Variants in TBCD observed in about 807,000 individuals in gnomAD.
The protein encoded by TBCD is tubulin-specific chaperone D.
A neutral mutation model predicts 169.3 loss-of-function variants in TBCD; 105 were observed. That is an observed-to-expected ratio of 0.62 (90% CI 0.53 to 0.73). TBCD has a LOEUF of 0.73. Ranked by LOEUF, TBCD falls within the 30% of genes least tolerant of loss-of-function variation. The probability of loss-of-function intolerance (pLI) is 0.00; values close to 1 mark genes in which losing one functional copy is unlikely to be tolerated. For missense variants in TBCD, 1,444 were observed against 1,600.1 expected (o/e 0.90, Z 1.66); for synonymous variants, 700 against 643.9 (o/e 1.09, Z -1.32).
rs183974317 is a variant in TBCD at position 82,874,551 on chromosome 17, A to G, written c.1475+4171A>G. 0.012 allele frequency among the ~76,000 whole-genome samples: 1,782 copies of G among 152,142 alleles called. 33 individuals are homozygous for G. Among genetic ancestry groups the G allele is most frequent in the African/African-American group, 0.04 (1,676 of 41,500 alleles). On this transcript the variant is annotated intron_variant, in intron 14 of 38. Transcript: ENST00000355528. This position sits in a 1 kb window ranked among gnomAD's most constrained non-coding sequence, Gnocchi z 5.0. ...TGCCCCTCGCCCCTTTACCTGTGCC[A>G]TCCCGGCCGCAGACCCAAGGGTGCC...
At chr17:82,839,543 C>G (rs1030644744) in intron 13 of TBCD, among the ~76,000 whole-genome samples, 1 of 152,020 alleles carries the variant, frequency 6.6e-6, no homozygotes, top group Non-Finnish European at 1.5e-5. Flanking sequence ...CTAAATTCAC[C>G]CTAATGTACA....
rs367830906 is a variant in TBCD at position 82,856,989 on chromosome 17, A to T, written c.1319-13235A>T. ...ACCCTCGGTGCGCATCCAGGGCGGG[A>T]TCGCTGGACCGCGTGCGGACCCTCG... is the stretch of plus-strand genomic sequence containing the variant. On this transcript the variant is annotated intron_variant, in intron 13 of 38. Transcript: ENST00000355528. Among the ~76,000 whole-genome samples, 32 of 151,616 alleles carry T rather than the reference A, an allele frequency of 2.1e-4. No homozygotes were observed. The East Asian group carries it at 5.8e-3, about 28-fold the overall frequency.
intron 13 of TBCD, among the ~76,000 whole-genome samples, chr17:82,818,063 G>C (rs1021534731): frequency 6.6e-6 from 1 of 152,218 alleles, no homozygotes; most frequent in Non-Finnish European, 1.5e-5. Context: ...TGTGTGCTCT[G>C]TCATGTCTTA....
At chr17:82,769,703 C>G (rs1250181950) in intron 5 of TBCD, among the ~76,000 whole-genome samples, 1 of 151,876 alleles carries the variant, frequency 6.6e-6, no homozygotes, top group Non-Finnish European at 1.5e-5. Context: ...ATGGTGAAAC[C>G]CTGTGTCTAC....
At chr17:82,760,944 A>G (rs1276383132) in intron 2 of TBCD, among the ~76,000 whole-genome samples, 1 of 149,134 alleles carries the variant, frequency 6.7e-6, no homozygotes, top group Non-Finnish European at 1.5e-5. Flanking sequence ...TGAAATGTTT[A>G]CTTCAATAGT....
intron 12 of TBCD, among the ~76,000 whole-genome samples, chr17:82,814,306 T>G (rs2051685997): frequency 6.6e-6 from 1 of 152,198 alleles, no homozygotes; most frequent in Admixed American, 6.5e-5. Context: ...TCTTATTTCT[T>G]TCTATGGGAG....
At chr17:82,836,687 CAAAA>C (rs559997152) in intron 13 of TBCD, among the ~76,000 whole-genome samples, 16 of 116,930 alleles carry the variant, frequency 1.4e-4, no homozygotes, top group African/African-American at 5.1e-4. Context: ...TACTTTTAGG[CAAAA>C]AAAAAAACAA....
At chr17:82,937,788 A>G (rs2062756236) in intron 35 of TBCD, 6 of 1,314,760 alleles carry the variant, frequency 4.6e-6, no homozygotes, top group South Asian at 3.1e-5. Flanking sequence ...GGGGGTCCTC[A>G]TGGCAGGGCG....
chr17:82,905,805 G>T, intron 19 of TBCD, 131 bp from the exon 20 acceptor site: 1 of 590,886 alleles, frequency 1.7e-6, no homozygotes, highest in Non-Finnish European at 3.0e-6. Flanking sequence ...GTGCGTGTGG[G>T]CTTCCCACAG....
At position 82,938,090 on chromosome 17, in the gene TBCD, A is replaced by G. The variant is rs2062786729; in HGVS notation, c.3323A>G (p.Gln1108Arg). 1.2e-6 allele frequency: 2 copies of G among 1,612,914 alleles called. No homozygotes were observed. Among genetic ancestry groups the G allele is most frequent in the East Asian group, 4.5e-5 (2 of 44,866 alleles). Reference sequence around the variant, plus strand: ...CAGTTCCCCGGCGACGTGAGGAGGCAGGCCCTCCTGCAGCTGTGTCTGCTC... The same window carrying G: ...CAGTTCCCCGGCGACGTGAGGAGGCGGGCCCTCCTGCAGCTGTGTCTGCTC... ...MVQFPGDVRR[Q>R]ALLQLCLLLC... is the part of the protein sequence containing the mutation. Residue 1108 changes from glutamine (Q) to arginine (R), a missense_variant, in exon 36 of 39, where the codon CAG (glutamine) becomes CGG (arginine). Transcript: ENST00000355528.
intron 38 of TBCD, chr17:82,941,965 G>GTCTC (rs149206840): frequency 0.01 from 2,390 of 230,600 alleles, 74 homozygotes; most frequent in African/African-American, 0.051. Context: ...TTGCTGTGCT[G>GTCTC]TCTCTCTAGT....
intron 19 of TBCD, among the ~76,000 whole-genome samples, chr17:82,904,367 C>CA (rs1427862382): frequency 2.6e-5 from 4 of 152,098 alleles, no homozygotes; most frequent in Non-Finnish European, 5.9e-5. Context: ...CCATCTGCCA[C>CA]ACGACGCTCC....
chr17:82,867,951 C>T lies in TBCD; in HGVS notation c.1319-2273C>T, dbSNP rs569677122. ...CACAGGTCCCCCAGGGGGAGGACTC[C>T]GGGAGGTGCTTTGCGGGAGGGAGTC... On this transcript the variant is annotated intron_variant, in intron 13 of 38. Transcript: ENST00000355528. Among the ~76,000 whole-genome samples, 32 of 152,148 alleles carry T rather than the reference C, an allele frequency of 2.1e-4. No homozygotes were observed. In the South Asian group the frequency reaches 2.7e-3, roughly 13 times the overall value.
At chr17:82,897,473 G>A (rs1809252) in intron 17 of TBCD, among the ~76,000 whole-genome samples, 76,516 of 149,128 alleles carry the variant, frequency 0.51, 20,734 homozygotes, top group East Asian at 0.74. Flanking sequence ...AGCCGAAATC[G>A]CGCCACTGCA....
chr17:82,768,658 A>G, intron 5 of TBCD, 92 bp downstream of exon 5: 2 of 1,406,940 alleles, frequency 1.4e-6, no homozygotes, highest in South Asian at 1.3e-5. Context: ...TAAGCTTCTG[A>G]TATGTATTCA....
Position 82,831,871 on chromosome 17 carries a change from T to G in TBCD, c.1318+16937T>G. On this transcript the variant is annotated intron_variant, in intron 13 of 38. Transcript: ENST00000355528. This position sits in a 1 kb window ranked among gnomAD's most constrained non-coding sequence, Gnocchi z 4.6. ...AGGAGTGTGGAAGGCCGACTTGGTGTGGAAAGACACGGCCTTGGCAGTGGG... is the reference window on the plus strand; with the variant it reads ...AGGAGTGTGGAAGGCCGACTTGGTGGGGAAAGACACGGCCTTGGCAGTGGG... 1 of 1,614,010 alleles carries G rather than the reference T, an allele frequency of 6.2e-7. No individual in the cohort carries two copies. Among genetic ancestry groups the G allele is most frequent in the Non-Finnish European group, 8.5e-7 (1 of 1,179,986 alleles).
chr17:82,780,645 C>CTTTTTTTTTT (rs36145167), intron 6 of TBCD, among the ~76,000 whole-genome samples: 2 of 104,724 alleles, frequency 1.9e-5, no homozygotes, highest in Non-Finnish European at 3.6e-5. Flanking sequence ...AAGACTTGGG[C>CTTTTTTTTTT]TTTTTTTTTT....
chr17:82,868,079 T>C (rs1012820533), intron 13 of TBCD, among the ~76,000 whole-genome samples: 1 of 151,994 alleles, frequency 6.6e-6, no homozygotes. Context: ...GGTCTGACCA[T>C]GGTGGGAGGT....
intron 13 of TBCD, among the ~76,000 whole-genome samples, chr17:82,861,986 G>C (rs1232098665): frequency 1.3e-5 from 2 of 151,376 alleles, no homozygotes; most frequent in Non-Finnish European, 2.9e-5. Flanking sequence ...GCAGTGGCGC[G>C]ATCTCGGCTC....
Sources: allele counts gnomAD v4.1 joint callset (sites outside exome capture counted in the v4.1 genomes callset), GRCh38; gene constraint gnomAD v4.1.1; non-coding constraint Gnocchi (gnomAD v3.1); transcripts MANE v1.5; gene names NCBI Gene and HGNC (gene_info 2026-07-23, HGNC 2026-07-21).